CDH4: variants seen among roughly 807,000 people sequenced by gnomAD.
CDH4 encodes the protein cadherin 4.
In CDH4, 33 loss-of-function variants were observed where a neutral mutation model predicts 86.0. That is an observed-to-expected ratio of 0.38 (90% CI 0.29 to 0.51). The LOEUF (loss-of-function observed/expected upper bound fraction) is 0.51, where lower values mean the gene tolerates loss of function less well. Among genes scored for constraint, CDH4 ranks in the 20% least tolerant of loss-of-function variants. The probability of loss-of-function intolerance (pLI) is 0.86; values close to 1 mark genes in which losing one functional copy is unlikely to be tolerated. For synonymous variants in CDH4, 555 were observed against 549.4 expected, an observed-to-expected ratio of 1.01 and a Z score of -0.14; for missense variants, 1,114 against 1,307.4, an observed-to-expected ratio of 0.85 and a Z score of 2.28.
At chr20:61,527,549 C>T (rs186571634) in intron 2 of CDH4, among the ~76,000 whole-genome samples, 136 of 152,324 alleles carry the variant, frequency 8.9e-4, no homozygotes, top group African/African-American at 3.1e-3. Flanking sequence ...CGCGTCCGGC[C>T]ACTATATTTT....
intron 2 of CDH4, among the ~76,000 whole-genome samples, chr20:61,531,947 G>A (rs115732733): frequency 1.4e-3 from 216 of 152,360 alleles, no homozygotes; most frequent in Middle Eastern, 3.4e-3. Flanking sequence ...TATCTTCTGC[G>A]CTGCTCAAGT....
Position 61,807,175 on chromosome 20 carries a change from G to C in CDH4, c.576+33993G>C, listed in dbSNP as rs1980183309. ...AGGTGCCGGGAGGGCCTCGGGAGGT[G>C]CCTGGTGGGTCCTGCCAGACAGAGG... On this transcript the variant is annotated intron_variant, in intron 4 of 15. Coordinates refer to ENST00000614565, the MANE Select transcript of CDH4 (RefSeq NM_001794.5). This position sits in a 1 kb window ranked among gnomAD's most constrained non-coding sequence, Gnocchi z 4.5. Among the ~76,000 whole-genome samples, 1 of 152,232 alleles carries C rather than the reference G, an allele frequency of 6.6e-6. No homozygotes were observed. Among genetic ancestry groups the C allele is most frequent in the Admixed American group, 6.5e-5 (1 of 15,294 alleles).
intron 9 of CDH4, among the ~76,000 whole-genome samples, chr20:61,911,718 A>G (rs968917237): frequency 2.6e-5 from 4 of 151,886 alleles, no homozygotes; most frequent in African/African-American, 9.7e-5. Context: ...GGTGAGCTTA[A>G]AGCTGGATAG....
intron 2 of CDH4, among the ~76,000 whole-genome samples, chr20:61,599,112 G>A (rs537292398): frequency 3.9e-5 from 6 of 152,202 alleles, no homozygotes; most frequent in South Asian, 2.1e-4. Flanking sequence ...CCTCCAATCC[G>A]CCCCTGCAGG....
At chr20:61,499,172 T>C (rs1381922387) in intron 2 of CDH4, among the ~76,000 whole-genome samples, 1 of 152,080 alleles carries the variant, frequency 6.6e-6, no homozygotes, top group African/African-American at 2.4e-5. Flanking sequence ...AGGCTGCCTG[T>C]GGTTGTGTTT....
chr20:61,272,544 A>C (rs2123140582), intron 2 of CDH4, among the ~76,000 whole-genome samples: 1 of 152,306 alleles, frequency 6.6e-6, no homozygotes, highest in East Asian at 1.9e-4. Context: ...TATGGGTCAA[A>C]ACTTTTGTTG....
At chr20:61,464,525 C>T (rs1279212782) in intron 2 of CDH4, among the ~76,000 whole-genome samples, 2 of 152,210 alleles carry the variant, frequency 1.3e-5, no homozygotes, top group African/African-American at 2.4e-5. Context: ...GATGAGACAT[C>T]ATCTTGCTTT....
At chr20:61,497,377 C>T (rs2085670300) in intron 2 of CDH4, among the ~76,000 whole-genome samples, 1 of 152,016 alleles carries the variant, frequency 6.6e-6, no homozygotes, top group African/African-American at 2.4e-5. Flanking sequence ...TTAGCTCTAC[C>T]TCTCTGCACT....
rs145546179 is a variant in CDH4, at chr20:61,744,467, A to G, written c.396+678A>G. 3.6e-3 allele frequency among the ~76,000 whole-genome samples: 118 copies of G among 32,952 alleles called. 5 individuals carry two copies. The highest frequency in any genetic ancestry group is 0.018 in the African/African-American group (111 of 6,156). The allele number at this position is 32,952 out of a possible 152,430, so 21.6% of individuals were successfully genotyped here. On this transcript the variant is annotated intron_variant, in intron 3 of 15. Coordinates refer to ENST00000614565, the MANE Select transcript of CDH4 (RefSeq NM_001794.5). ...AAGAGAGGGAGAGAGAGAAGGAGGG[A>G]GAGAGATGGAGAGAGGTGGAGGGAG...
intron 2 of CDH4, among the ~76,000 whole-genome samples, chr20:61,655,188 T>A (rs1568736583): frequency 6.6e-6 from 1 of 152,212 alleles, no homozygotes; most frequent in South Asian, 2.1e-4. Context: ...CTTGTGTGTA[T>A]TTCACATGGG....
intron 2 of CDH4, among the ~76,000 whole-genome samples, chr20:61,266,463 A>G (rs2084158771): frequency 6.6e-6 from 1 of 151,850 alleles, no homozygotes; most frequent in Non-Finnish European, 1.5e-5. Context: ...TGTTCTGGCC[A>G]CCCAAATGTG....
chr20:61,924,609 A>AG, intron 11 of CDH4, 133 bp downstream of exon 11: 1 of 953,074 alleles, frequency 1.0e-6, no homozygotes, highest in Non-Finnish European at 1.5e-6. Context: ...AGAGGGGCTG[A>AG]GGGGGCATCT....
intron 3 of CDH4, among the ~76,000 whole-genome samples, chr20:61,761,734 G>A (rs961641618): frequency 6.6e-6 from 1 of 152,212 alleles, no homozygotes; most frequent in Non-Finnish European, 1.5e-5. Flanking sequence ...TGAATAACGC[G>A]CAGAAGACGC....
chr20:61,782,617 T>C lies in CDH4; in HGVS notation c.576+9435T>C, dbSNP rs184653677. ...GTTGATGTAATAAATATGACAACAG[T>C]AGGAGAAAAACTAAGTAAGACAACA... On this transcript the variant is annotated intron_variant, in intron 4 of 15. Transcript: ENST00000614565. Among the ~76,000 whole-genome samples the C allele has an allele frequency of 3.6e-3, 543 of 152,132 alleles. 2 individuals carry two copies. The highest frequency in any genetic ancestry group is 0.02 in the Middle Eastern group (6 of 294).
At chr20:61,700,629 C>T (rs564306637) in intron 2 of CDH4, among the ~76,000 whole-genome samples, 1 of 152,262 alleles carries the variant, frequency 6.6e-6, no homozygotes, top group South Asian at 2.1e-4. Flanking sequence ...ACTGTGGGGC[C>T]ACACATCACC....
intron 2 of CDH4, among the ~76,000 whole-genome samples, chr20:61,549,468 C>G (rs2086111625): frequency 6.6e-6 from 1 of 152,180 alleles, no homozygotes; most frequent in Admixed American, 6.5e-5. Flanking sequence ...TTAAAAATTA[C>G]TAGAAGGCTT....
chr20:61,684,799 C>G lies in CDH4; in HGVS notation c.170-58764C>G, dbSNP rs2087555718. Among the ~76,000 whole-genome samples the G allele has an allele frequency of 6.6e-6, 1 of 152,168 alleles. No individual in the cohort carries two copies. Among genetic ancestry groups the G allele is most frequent in the South Asian group, 2.1e-4 (1 of 4,824 alleles). On this transcript the variant is annotated intron_variant, in intron 2 of 15. Coordinates refer to ENST00000614565, the MANE Select transcript of CDH4 (RefSeq NM_001794.5). This position sits in a 1 kb window ranked among gnomAD's most constrained non-coding sequence, Gnocchi z 4.5. ...GCCCACAGCCGCCTGCCGTGACCAC[C>G]CCTCGATGTGGGTGAGGTTTCTAAA...
At chr20:61,753,051 G>C (rs2088519068) in intron 3 of CDH4, among the ~76,000 whole-genome samples, 1 of 152,172 alleles carries the variant, frequency 6.6e-6, no homozygotes, top group African/African-American at 2.4e-5. Flanking sequence ...CTACCTAACT[G>C]TGTTTAGAGA....
At chr20:61,633,146 CCATCCACCCATT>C (rs1430121904) in intron 2 of CDH4, among the ~76,000 whole-genome samples, 64 of 151,542 alleles carry the variant, frequency 4.2e-4, no homozygotes, top group Admixed American at 1.6e-3. Flanking sequence ...ATCCTCCCAT[CCATCCACCCATT>C]CATCCACCCA....
Sources: gnomAD v4.1 joint callset for allele counts (sites outside exome capture counted in the v4.1 genomes callset) on GRCh38, gnomAD v4.1.1 for gene constraint, Gnocchi (gnomAD v3.1) non-coding constraint, MANE v1.5 for transcripts, NCBI Gene and HGNC (gene_info 2026-07-23, HGNC 2026-07-21) for gene names.